Variants in HMCN1 observed in about 807,000 individuals in gnomAD.
HMCN1 encodes the protein hemicentin-1.
In HMCN1, 321 loss-of-function variants were observed where a neutral mutation model predicts 625.9. The ratio of observed to expected loss-of-function variants is 0.51; its 90% confidence interval spans 0.47 to 0.56. The LOEUF (loss-of-function observed/expected upper bound fraction) is 0.56, where lower values mean the gene tolerates loss of function less well. Ranked by LOEUF, HMCN1 falls within the 20% of genes least tolerant of loss-of-function variation. The probability of loss-of-function intolerance (pLI) is 0.00; values close to 1 mark genes in which losing one functional copy is unlikely to be tolerated. For missense variants in HMCN1, 6,588 were observed against 6,887.3 expected (o/e 0.96, Z 1.54); for synonymous variants, 2,425 against 2,417.6 (o/e 1.00, Z -0.09).
chr1:186,150,818 A>C (rs1369123431), intron 93 of HMCN1, among the ~76,000 whole-genome samples: 1 of 151,948 alleles, frequency 6.6e-6, no homozygotes, highest in Non-Finnish European at 1.5e-5. Flanking sequence ...TGATAGGATT[A>C]AAATGGTTAA....
At chr1:186,112,749 AAATAATAT>A (rs1356633212) in intron 71 of HMCN1, 55 bp from the exon 72 acceptor site, 6 of 1,595,086 alleles carry the variant, frequency 3.8e-6, no homozygotes, top group Non-Finnish European at 3.4e-6. Context: ...TGATGCTGTG[AAATAATAT>A]TTATTCTCTT....
At chr1:185,783,801 C>T (rs564087390) in intron 1 of HMCN1, among the ~76,000 whole-genome samples, 98 of 152,348 alleles carry the variant, frequency 6.4e-4, no homozygotes, top group Non-Finnish European at 1.3e-3. Flanking sequence ...CAGGGACCCA[C>T]TTGAGGAGGC....
intron 35 of HMCN1, 26 bp from the exon 36 acceptor site, chr1:186,023,004 C>T: frequency 2.5e-6 from 4 of 1,611,280 alleles, no homozygotes; most frequent in Non-Finnish European, 3.4e-6. Context: ...ATACAAAAAT[C>T]CTCTGTGCTT....
chr1:185,845,733 C>T (rs540307724), intron 1 of HMCN1, among the ~76,000 whole-genome samples: 10 of 152,098 alleles, frequency 6.6e-5, no homozygotes, highest in Non-Finnish European at 7.4e-5. Flanking sequence ...TATTTACTGA[C>T]GAGAATAAGA....
chr1:185,757,032 T>C (rs1244052816), intron 1 of HMCN1, among the ~76,000 whole-genome samples: 1 of 152,170 alleles, frequency 6.6e-6, no homozygotes, highest in Non-Finnish European at 1.5e-5. Context: ...TGGAGCACAA[T>C]GGCGCAATCT....
chr1:185,981,033 A>G lies in HMCN1; in HGVS notation c.2622A>G (p.Gly874=). ...TYICEAENQF[G]KIQSETTVTV... is the part of the protein sequence containing the mutation. ...TTTGTGAAGCTGAAAACCAGTTTGG[A>G]AAGATCCAGTCAGAGACAACAGTAA... Residue 874 remains glycine (G), a synonymous_variant, in exon 17 of 107, where the codon GGA becomes GGG. Coordinates refer to ENST00000271588, the MANE Select transcript of HMCN1 (RefSeq NM_031935.3). 6.2e-7 allele frequency: 1 copy of G among 1,612,532 alleles called. No homozygotes were observed. The highest frequency in any genetic ancestry group is 1.3e-5 in the African/African-American group (1 of 75,012).
At chr1:185,947,844 C>T (rs1417255582) in intron 11 of HMCN1, among the ~76,000 whole-genome samples, 1 of 151,992 alleles carries the variant, frequency 6.6e-6, no homozygotes, top group Non-Finnish European at 1.5e-5. Flanking sequence ...TGAACAAGCA[C>T]ATTTGTCCAT....
chr1:185,843,691 C>T (rs1661633637), intron 1 of HMCN1, among the ~76,000 whole-genome samples: 1 of 152,198 alleles, frequency 6.6e-6, no homozygotes, highest in African/African-American at 2.4e-5. Flanking sequence ...AAGATGCTTA[C>T]AGCTGGAGGG....
At chr1:185,798,092 G>A (rs1318837532) in intron 1 of HMCN1, among the ~76,000 whole-genome samples, 2 of 150,914 alleles carry the variant, frequency 1.3e-5, no homozygotes, top group African/African-American at 4.9e-5. Context: ...TCTAGGACCA[G>A]TCTGGTGGTG....
At chr1:186,037,113 G>A (rs1655882466) in intron 36 of HMCN1, among the ~76,000 whole-genome samples, 2 of 151,234 alleles carry the variant, frequency 1.3e-5, no homozygotes, top group Non-Finnish European at 2.9e-5. Context: ...TCGAGGGTCT[G>A]TAGTGCATTG....
chr1:186,023,292 T>G (rs1204748849), intron 36 of HMCN1, 139 bp downstream of exon 36: 3 of 709,976 alleles, frequency 4.2e-6, no homozygotes, highest in East Asian at 2.8e-5. Context: ...CCTAGGGTTT[T>G]TTTTTTTTTT....
Position 185,842,502 on chromosome 1 carries a change from C to T in HMCN1, c.269-3524C>T, listed in dbSNP as rs558987551. On this transcript the variant is annotated intron_variant, in intron 1 of 106. Transcript: ENST00000271588. ...TGCTTGAGCATTGGGAGGTCGAGGC[C>T]GCAGTGAGCTGTGATCATGCCATTG... is the stretch of plus-strand genomic sequence containing the variant. Among the ~76,000 whole-genome samples, 15 of 151,642 alleles carry T rather than the reference C, an allele frequency of 9.9e-5. No individual in the cohort carries two copies. The South Asian group carries it at 1.7e-3, about 17-fold the overall frequency.
Position 186,174,531 on chromosome 1 carries a change from G to A in HMCN1, c.15832G>A (p.Asp5278Asn). The change falls in exon 103 of 107, where the codon GAT (aspartate) becomes AAT (asparagine). Residue 5278 changes from aspartate to asparagine, a missense_variant. Asp to Asn is a conservative substitution (Grantham distance 23). Around this residue, in one of 3 missense-constraint regions of HMCN1, gnomAD observed 1,954 missense variants for 2,013.1 expected, o/e 0.97. Transcript: ENST00000271588. ...GTCIDIDECKDGTHQCRYNQI... is the reference protein window; with the variant it reads ...GTCIDIDECKNGTHQCRYNQI... ...GTCTGTAGATATTGATGAATGTAAA[G>A]ATGGGACCCATCAGTGCAGATATAA... 3 of 1,613,898 alleles carry A rather than the reference G, an allele frequency of 1.9e-6. No individual in the cohort carries two copies. The highest frequency in any genetic ancestry group is 1.7e-6 in the Non-Finnish European group (2 of 1,179,796).
chr1:185,779,129 T>C (rs1461225397), intron 1 of HMCN1, among the ~76,000 whole-genome samples: 1 of 152,104 alleles, frequency 6.6e-6, no homozygotes, highest in Non-Finnish European at 1.5e-5. Context: ...TGTCTGTTGG[T>C]TGCATAAATG....
chr1:185,907,006 A>G (rs1666134613), intron 4 of HMCN1, among the ~76,000 whole-genome samples: 1 of 147,106 alleles, frequency 6.8e-6, no homozygotes, highest in African/African-American at 2.5e-5. Context: ...TTTTATGTTG[A>G]CATAAAAATG....
At position 185,866,102 on chromosome 1, in the gene HMCN1, GTT is replaced by G. The variant is rs554039340; in HGVS notation, c.621+241_621+242del. ...CTGCTAAATTTAATTGAATTTAACT[GTT>G]TAATTTTATTGGAATCAAAAATTTT... On this transcript the variant is annotated intron_variant, in intron 4 of 106. Coordinates refer to ENST00000271588, the MANE Select transcript of HMCN1 (RefSeq NM_031935.3). 4.7e-4 allele frequency among the ~76,000 whole-genome samples: 71 copies of G among 152,122 alleles called. 1 individual carries two copies. In the South Asian group the frequency reaches 9.6e-3, roughly 20 times the overall value.
chr1:185,880,348 G>A (rs1446672140), intron 4 of HMCN1, among the ~76,000 whole-genome samples: 2 of 152,148 alleles, frequency 1.3e-5, no homozygotes, highest in African/African-American at 2.4e-5. Flanking sequence ...TCCATACTAG[G>A]GGATGGCCAA....
chr1:186,019,647 A>C lies in HMCN1; in HGVS notation c.5577A>C (p.Thr1859=). ...IANGIPNPSI[T]WLKDDQPVNT... is the part of the protein sequence containing the mutation. ...ATGGGATTCCAAATCCTTCCATTAC[A>C]TGGTTAAAAGATGACCAGCCTGTGA... The change falls in exon 35 of 107, where the codon ACA becomes ACC. Residue 1859 remains threonine, a synonymous_variant. Transcript: ENST00000271588. 1 of 1,612,338 alleles carries C rather than the reference A, an allele frequency of 6.2e-7. No individual in the cohort carries two copies. The highest frequency in any genetic ancestry group is 8.5e-7 in the Non-Finnish European group (1 of 1,178,704).
chr1:185,773,092 T>C (rs1271271272), intron 1 of HMCN1, among the ~76,000 whole-genome samples: 1 of 152,146 alleles, frequency 6.6e-6, no homozygotes. Flanking sequence ...TCATTTATAT[T>C]CTAAGGATAG....
Sources: allele counts gnomAD v4.1 joint callset (sites outside exome capture counted in the v4.1 genomes callset), GRCh38; gene constraint gnomAD v4.1.1; regional missense constraint gnomAD v4.1.1; transcripts MANE v1.5; gene names NCBI Gene and HGNC (gene_info 2026-07-23, HGNC 2026-07-21).